ARHGEF10: variants seen among roughly 807,000 people sequenced by gnomAD.
ARHGEF10 encodes the protein Rho guanine nucleotide exchange factor 10, also known as Rho guanine nucleotide exchange factor (GEF) 10.
Under a neutral mutation model 147.4 loss-of-function variants are expected in ARHGEF10, and 140 were observed. The observed-to-expected ratio is 0.95, with a 90% CI of 0.83 to 1.09. ARHGEF10 has a LOEUF of 1.09. ARHGEF10 is among the 50% of genes least tolerant of loss of function. The probability of loss-of-function intolerance (pLI) is 0.00; values close to 1 mark genes in which losing one functional copy is unlikely to be tolerated. For synonymous variants in ARHGEF10, 902 were observed against 695.8 expected, an observed-to-expected ratio of 1.30 and a Z score of -4.67; for missense variants, 2,222 against 1,752.7, an observed-to-expected ratio of 1.27 and a Z score of -4.78.
chr8:1,909,075 C>T (rs1005628741), intron 17 of ARHGEF10, among the ~76,000 whole-genome samples: 10 of 152,176 alleles, frequency 6.6e-5, no homozygotes, highest in African/African-American at 2.2e-4. Context: ...GTCCCCTGTG[C>T]GGCTCTTCCC....
rs547614439 is a variant in ARHGEF10, at chr8:1,858,005, G to C, written c.83G>C (p.Gly28Ala). The C allele has an allele frequency of 1.1e-5, 17 of 1,614,088 alleles. No individual in the cohort carries two copies. In the East Asian group the frequency reaches 3.8e-4, roughly 36 times the overall value. ...YDTNNNEEEE[G>A]EQFDFDSGDE... Reference sequence around the variant, plus strand: ...ACCAATAATAATGAAGAGGAAGAGGGAGAACAGTTCGATTTTGACAGTGGA... The same window carrying C: ...ACCAATAATAATGAAGAGGAAGAGGCAGAACAGTTCGATTTTGACAGTGGA... The change falls in exon 3 of 29, where the codon GGA becomes GCA. Residue 28 changes from glycine (G) to alanine (A), a missense_variant. By Grantham distance (60) the Gly-to-Ala change is moderately conservative. Coordinates refer to ENST00000349830, the MANE Select transcript of ARHGEF10 (RefSeq NM_014629.4).
At chr8:1,862,749 GTGTT>G (rs1000526315) in intron 4 of ARHGEF10, among the ~76,000 whole-genome samples, 6 of 151,330 alleles carry the variant, frequency 4.0e-5, no homozygotes, top group Non-Finnish European at 7.4e-5. Flanking sequence ...GGCTCTTTGG[GTGTT>G]TCTTTTCCTT....
chr8:1,873,622 T>C (rs1472698001), intron 7 of ARHGEF10, among the ~76,000 whole-genome samples: 3 of 142,588 alleles, frequency 2.1e-5, no homozygotes, highest in Non-Finnish European at 3.0e-5. Flanking sequence ...CGCGGGGTAG[T>C]GCACCCGCAT....
Position 1,860,056 on chromosome 8 carries a change from G to A in ARHGEF10, c.353G>A (p.Gly118Asp). Reference sequence around the variant, plus strand: ...CCCAGCGCTGAGGAGGAGAATGTGGGTCTCCATGTGCCCTGCGGGTACTTG... The same window carrying A: ...CCCAGCGCTGAGGAGGAGAATGTGGATCTCCATGTGCCCTGCGGGTACTTG... ...PVPSAEEENV[G>D]LHVPCGYLVP... The change falls in exon 4 of 29, where the codon GGT (glycine) becomes GAT (aspartate). Residue 118 changes from glycine to aspartate, a missense_variant. By Grantham distance (94) the Gly-to-Asp change is moderately conservative. Coordinates refer to ENST00000349830, the MANE Select transcript of ARHGEF10 (RefSeq NM_014629.4). 1 of 1,614,146 alleles carries A rather than the reference G, an allele frequency of 6.2e-7. No individual in the cohort carries two copies. The highest frequency in any genetic ancestry group is 2.2e-5 in the East Asian group (1 of 44,862).
At position 1,882,618 on chromosome 8, in the gene ARHGEF10, C is replaced by G. The variant is rs962290574; in HGVS notation, c.961-17C>G. 3.9e-6 allele frequency: 6 copies of G among 1,549,262 alleles called. No homozygotes were observed. In the African/African-American group the frequency reaches 8.2e-5, roughly 21 times the overall value. On this transcript the variant is annotated splice_polypyrimidine_tract_variant and intron_variant, in intron 9 of 28. Coordinates refer to ENST00000349830, the MANE Select transcript of ARHGEF10 (RefSeq NM_014629.4). ...TTCTGCCGCCGTCCCGTTCTCACAT[C>G]TCCCTCTCCGTCGCAGATGCAGAAG...
intron 2 of ARHGEF10, among the ~76,000 whole-genome samples, chr8:1,856,163 C>T (rs533320800): frequency 4.6e-5 from 7 of 152,352 alleles, no homozygotes; most frequent in East Asian, 1.9e-4. Context: ...GAGCAGAGTT[C>T]ACCATCCAGA....
intron 7 of ARHGEF10, among the ~76,000 whole-genome samples, chr8:1,872,243 A>G (rs1807186594): frequency 6.6e-6 from 1 of 152,246 alleles, no homozygotes; most frequent in African/African-American, 2.4e-5. Flanking sequence ...GAATAAACCT[A>G]TAATGATCCA....
chr8:1,943,713 G>A (rs1034192770), intron 26 of ARHGEF10: 5 of 152,206 alleles, frequency 3.3e-5, no homozygotes, highest in African/African-American at 1.2e-4. Flanking sequence ...CTTTGCAATT[G>A]TGAGCACCAG....
At chr8:1,898,148 C>T (rs1270407749) in intron 14 of ARHGEF10, among the ~76,000 whole-genome samples, 1 of 152,152 alleles carries the variant, frequency 6.6e-6, no homozygotes, top group Non-Finnish European at 1.5e-5. Flanking sequence ...AACACAGACA[C>T]CCAAGGACAG....
intron 1 of ARHGEF10, among the ~76,000 whole-genome samples, chr8:1,840,128 T>G (rs1248483574): frequency 4.7e-3 from 237 of 50,374 alleles, no homozygotes; most frequent in Middle Eastern, 0.016. Context: ...GGGACTGTCC[T>G]GTGTGGAAGC....
chr8:1,889,523 GGTA>G (rs1809220626), intron 11 of ARHGEF10, among the ~76,000 whole-genome samples: 1 of 85,080 alleles, frequency 1.2e-5, no homozygotes, highest in Non-Finnish European at 2.3e-5. Context: ...TGGGGTGAGG[GGTA>G]TTGAGGAGAC....
intron 2 of ARHGEF10, among the ~76,000 whole-genome samples, chr8:1,849,580 G>GCGA (rs1804850009): frequency 6.9e-6 from 1 of 145,246 alleles, no homozygotes; most frequent in African/African-American, 2.6e-5. Context: ...AGGGCGTGGG[G>GCGA]CCAGCTGCGT....
intron 14 of ARHGEF10, among the ~76,000 whole-genome samples, chr8:1,896,738 C>G (rs1015901829): frequency 3.3e-5 from 5 of 152,234 alleles, no homozygotes; most frequent in African/African-American, 1.2e-4. Context: ...ACCTTTCCCT[C>G]ACTGTCCTTC....
upstream of ARHGEF10, among the ~76,000 whole-genome samples, chr8:1,823,731 C>A (rs533373189): frequency 6.6e-6 from 1 of 151,936 alleles, no homozygotes; most frequent in South Asian, 2.1e-4. Flanking sequence ...CGCGCCCCCT[C>A]CCACGCGTGC....
At chr8:1,878,938 A>T (rs1451637523) in intron 8 of ARHGEF10, among the ~76,000 whole-genome samples, 1 of 152,132 alleles carries the variant, frequency 6.6e-6, no homozygotes, top group Non-Finnish European at 1.5e-5. Context: ...TGTTGCCAGG[A>T]CAGTGGCCTG....
At chr8:1,855,477 G>T (rs369077154) in intron 2 of ARHGEF10, among the ~76,000 whole-genome samples, 4 of 152,174 alleles carry the variant, frequency 2.6e-5, no homozygotes, top group African/African-American at 9.6e-5. Context: ...CGCTTACTGG[G>T]TTCAGGTGAT....
At chr8:1,855,964 G>T (rs1342172724) in intron 2 of ARHGEF10, among the ~76,000 whole-genome samples, 1 of 151,636 alleles carries the variant, frequency 6.6e-6, no homozygotes, top group Non-Finnish European at 1.5e-5. Flanking sequence ...ACGGTCGCTT[G>T]GGAGACAGTG....
rs180960750 is a variant in ARHGEF10, at chr8:1,835,223, C to T, written c.-47-8130C>T. Among the ~76,000 whole-genome samples, 607 of 152,334 alleles carry T rather than the reference C, an allele frequency of 4.0e-3. 6 individuals are homozygous for T. Among genetic ancestry groups the T allele is most frequent in the African/African-American group, 0.014 (585 of 41,582 alleles). ...GAAACCGACCAGGGGGCCCAGGATG[C>T]TCGAGGCCCGAGTGCCGGACAGGGC... is the stretch of plus-strand genomic sequence containing the variant. On this transcript the variant is annotated intron_variant, in intron 1 of 28. Coordinates refer to ENST00000349830, the MANE Select transcript of ARHGEF10 (RefSeq NM_014629.4).
chr8:1,889,465 T>C (rs1585411334), intron 11 of ARHGEF10, among the ~76,000 whole-genome samples: 1 of 48,546 alleles, frequency 2.1e-5, no homozygotes, highest in Non-Finnish European at 3.5e-5. Flanking sequence ...GTGAGGGGTC[T>C]GTGAGGAGAC....
Sources: allele counts gnomAD v4.1 joint callset (sites outside exome capture counted in the v4.1 genomes callset), GRCh38; gene constraint gnomAD v4.1.1; transcripts MANE v1.5; gene names NCBI Gene and HGNC (gene_info 2026-07-23, HGNC 2026-07-21).